Variants in INTS15 observed in about 807,000 individuals in gnomAD.
INTS15 encodes the protein integrator complex subunit 15.
At chr7:6,608,405 A>T in the INTS15 span, 1 of 1,383,992 alleles carries the variant, frequency 7.2e-7, no homozygotes, top group Non-Finnish European at 9.3e-7. Context: ...TTTTTAAAAG[A>T]TGCCGATCCT....
the INTS15 span, chr7:6,608,041 C>T: frequency 5.0e-6 from 8 of 1,599,612 alleles, no homozygotes; most frequent in Non-Finnish European, 5.9e-6. Context: ...CCCACATCCA[C>T]ACGCCCCCGC....
the INTS15 span, among the ~76,000 whole-genome samples, chr7:6,591,162 GCAAAGAT>G: frequency 6.6e-6 from 1 of 152,060 alleles, no homozygotes; most frequent in Middle Eastern, 3.2e-3. Flanking sequence ...AAGATCAACA[GCAAAGAT>G]CTCCCTGAGA....
At chr7:6,601,948 C>T in the INTS15 span, among the ~76,000 whole-genome samples, 1 of 152,222 alleles carries the variant, frequency 6.6e-6, no homozygotes, top group Non-Finnish European at 1.5e-5. Flanking sequence ...TGAGCCACTG[C>T]GCCCGGCTAG....
the INTS15 span, chr7:6,594,747 G>A: frequency 1.2e-6 from 1 of 800,818 alleles, no homozygotes; most frequent in Non-Finnish European, 1.9e-6. Context: ...TATTTTTTGA[G>A]ATGGAGTCTG....
chr7:6,605,626 C>A, the INTS15 span, among the ~76,000 whole-genome samples: 21 of 152,244 alleles, frequency 1.4e-4, no homozygotes, highest in Admixed American at 1.2e-3. Flanking sequence ...TTTGGGGAGC[C>A]CTGACCTCCC....
chr7:6,608,013 T>TC, the INTS15 span: 3 of 1,599,382 alleles, frequency 1.9e-6, no homozygotes, highest in East Asian at 2.2e-5. Flanking sequence ...CACGCCGCGC[T>TC]CCCCCCGGGG....
At chr7:6,598,790 T>G in the INTS15 span, among the ~76,000 whole-genome samples, 1 of 146,064 alleles carries the variant, frequency 6.8e-6, no homozygotes, top group Admixed American at 6.9e-5. Context: ...TGTGTGTATT[T>G]TTTTTTTTTT....
chr7:6,602,062 T>C, the INTS15 span: 1 of 1,587,492 alleles, frequency 6.3e-7, no homozygotes, highest in Non-Finnish European at 8.6e-7. Flanking sequence ...CCGTGTTGTC[T>C]CCAGTATGTT....
the INTS15 span, among the ~76,000 whole-genome samples, chr7:6,591,330 G>T: frequency 2.0e-5 from 3 of 149,054 alleles, no homozygotes; most frequent in Non-Finnish European, 4.4e-5. Context: ...GCAGTGGTGC[G>T]ATCTCGGCTC....
At chr7:6,602,603 G>T in the INTS15 span, 1 of 454,918 alleles carries the variant, frequency 2.2e-6, no homozygotes, top group South Asian at 1.6e-5. Flanking sequence ...CTCTTGACCT[G>T]TCTCTATGCC....
chr7:6,592,170 C>CA, the INTS15 span, among the ~76,000 whole-genome samples: 17 of 144,244 alleles, frequency 1.2e-4, no homozygotes, highest in South Asian at 1.3e-3. Context: ...GACTCCGTCT[C>CA]AAAAAAAAAA....
chr7:6,598,735 T>TGTGTGTG, the INTS15 span, among the ~76,000 whole-genome samples: 2 of 83,618 alleles, frequency 2.4e-5, no homozygotes, highest in Non-Finnish European at 4.3e-5. Context: ...GCTGTATGCT[T>TGTGTGTG]TGTGTGTGTG....
the INTS15 span, chr7:6,591,679 G>C: frequency 1.3e-5 from 21 of 1,614,150 alleles, no homozygotes; most frequent in Non-Finnish European, 1.7e-5. Flanking sequence ...TCAACTTCTT[G>C]AAATCATGTG....
the INTS15 span, among the ~76,000 whole-genome samples, chr7:6,593,451 C>T: frequency 3.3e-5 from 5 of 151,634 alleles, no homozygotes; most frequent in South Asian, 1.0e-3. Context: ...CTGCCTCAGC[C>T]TCTCGAGTAG....
At chr7:6,598,162 CTG>C in the INTS15 span, among the ~76,000 whole-genome samples, 4 of 152,106 alleles carry the variant, frequency 2.6e-5, no homozygotes, top group African/African-American at 9.7e-5. Flanking sequence ...AGAAACATCT[CTG>C]TGGAATCAAG....
chr7:6,600,146 A>T, the INTS15 span: 1 of 1,614,168 alleles, frequency 6.2e-7, no homozygotes, highest in Non-Finnish European at 8.5e-7. Flanking sequence ...AGTGCTCATG[A>T]CGCTGCAGCT....
chr7:6,601,140 A>T, the INTS15 span, among the ~76,000 whole-genome samples: 2 of 151,942 alleles, frequency 1.3e-5, no homozygotes, highest in Non-Finnish European at 2.9e-5. Flanking sequence ...CTAATTTTTT[A>T]AAAAGATTTT....
chr7:6,607,862 C>T, the INTS15 span: 2 of 1,545,276 alleles, frequency 1.3e-6, no homozygotes, highest in Admixed American at 1.9e-5. The surrounding 1 kb of genome is among the most constrained non-coding windows in gnomAD (Gnocchi z 6.0). Context: ...GTCGGTGCCT[C>T]TCCTGGGCGG....
At chr7:6,602,514 C>T in the INTS15 span, 1 of 380,844 alleles carries the variant, frequency 2.6e-6, no homozygotes, top group Non-Finnish European at 5.3e-6. Context: ...GGCTAGCTGC[C>T]AGCGCTTGGC....
Sources: allele counts gnomAD v4.1 joint callset (sites outside exome capture counted in the v4.1 genomes callset), GRCh38; gene constraint gnomAD v4.1.1; non-coding constraint Gnocchi (gnomAD v3.1); transcripts MANE v1.5; gene names NCBI Gene and HGNC (gene_info 2026-07-23, HGNC 2026-07-21).